Variants in MVP observed in about 807,000 individuals in gnomAD.
MVP encodes lung resistance-related protein.
A neutral mutation model predicts 83.5 loss-of-function variants in MVP; 62 were observed. That is an observed-to-expected ratio of 0.74 (90% CI 0.61 to 0.92). The LOEUF (loss-of-function observed/expected upper bound fraction) is 0.92, where lower values mean the gene tolerates loss of function less well. Among genes scored for constraint, MVP ranks in the 40% least tolerant of loss-of-function variants. The probability of loss-of-function intolerance (pLI) is 0.00; values close to 1 mark genes in which losing one functional copy is unlikely to be tolerated. For synonymous variants in MVP, 505 were observed against 504.1 expected (o/e 1.00, Z -0.02); for missense variants, 1,000 against 1,203.4 (o/e 0.83, Z 2.50).
chr16:29,820,662 G>C (rs1900353254), intron 1 of MVP, among the ~76,000 whole-genome samples, 152 bp downstream of exon 1: 1 of 152,198 alleles, frequency 6.6e-6, no homozygotes. Flanking sequence ...AGGAGGATGG[G>C]TGGTGGCTTT....
At chr16:29,823,138 T>C (rs973385710) in intron 1 of MVP, among the ~76,000 whole-genome samples, 2 of 133,868 alleles carry the variant, frequency 1.5e-5, no homozygotes, top group African/African-American at 5.9e-5. Flanking sequence ...TTTTTTTTTT[T>C]TTTTGAGATG....
At position 29,847,254 on chromosome 16, in the gene MVP, G is replaced by T. The variant is rs547354384; in HGVS notation, c.2323G>T (p.Ala775Ser). 1 of 1,613,752 alleles carries T rather than the reference G, an allele frequency of 6.2e-7. No homozygotes were observed. Among genetic ancestry groups the T allele is most frequent in the Non-Finnish European group, 8.5e-7 (1 of 1,180,006 alleles). Residue 775 changes from alanine to serine, a missense_variant, in exon 14 of 15, where the codon GCC (alanine) becomes TCC (serine). Ala to Ser is a moderately conservative substitution (Grantham distance 99). Transcript: ENST00000357402. ...VRELELVYARAQLELEVSKAQ... is the reference protein window; with the variant it reads ...VRELELVYARSQLELEVSKAQ... ...AGAGCTGGAACTGGTCTATGCCCGG[G>T]CCCAGCTGGAGCTGGAGGTGAGCAA...
intron 1 of MVP, among the ~76,000 whole-genome samples, chr16:29,828,432 TGCAATG>T (rs1290864289): frequency 6.6e-6 from 1 of 152,022 alleles, no homozygotes; most frequent in Non-Finnish European, 1.5e-5. Context: ...CAGGCTGGAG[TGCAATG>T]GCACGATCTC....
At position 29,844,779 on chromosome 16, in the gene MVP, C is replaced by T; in HGVS notation, c.1921C>T (p.Gln641Ter). ...GCTGGTGGTCAGCAGTGTGGACGTG[C>T]AGTCAGTGGAGCCTGTGGATCAGAG... ...NGLVVSSVDV[Q>*]SVEPVDQRTR... Residue 641 changes from glutamine (Q) to a stop codon, truncating the protein, a stop_gained, in exon 11 of 15, where the codon CAG (glutamine) becomes TAG (stop). Transcript: ENST00000357402. LOFTEE classifies it high-confidence loss of function. The T allele has an allele frequency of 6.2e-7, 1 of 1,610,982 alleles. No individual in the cohort carries two copies. Among genetic ancestry groups the T allele is most frequent in the Non-Finnish European group, 8.5e-7 (1 of 1,180,010 alleles).
At chr16:29,827,510 A>C (rs1264018495) in intron 1 of MVP, among the ~76,000 whole-genome samples, 1 of 152,226 alleles carries the variant, frequency 6.6e-6, no homozygotes, top group Non-Finnish European at 1.5e-5. Context: ...TAGTCCCAAC[A>C]GCACCACTAA....
intron 3 of MVP, among the ~76,000 whole-genome samples, chr16:29,832,060 A>G (rs145261937): frequency 0.016 from 2,423 of 151,366 alleles, 25 homozygotes; most frequent in Non-Finnish European, 0.026. Context: ...GATTACAGGC[A>G]TGAGCCACCG....
At chr16:29,831,982 G>A (rs1417443474) in intron 3 of MVP, among the ~76,000 whole-genome samples, 6 of 152,114 alleles carry the variant, frequency 3.9e-5, no homozygotes, top group African/African-American at 9.7e-5. Flanking sequence ...GGGTTTCACC[G>A]TGTTAGCCAG....
intron 8 of MVP, 148 bp downstream of exon 8, chr16:29,840,607 T>G: frequency 1.1e-6 from 1 of 907,640 alleles, no homozygotes; most frequent in Non-Finnish European, 1.6e-6. Context: ...GGGCACTACG[T>G]GGAGTGTTTG....
chr16:29,832,627 C>T (rs1469167576), intron 3 of MVP, among the ~76,000 whole-genome samples: 5 of 148,056 alleles, frequency 3.4e-5, no homozygotes, highest in Non-Finnish European at 7.4e-5. Context: ...TGGATCTCCC[C>T]CTGTTGCCTA....
chr16:29,827,725 G>A (rs185620737), intron 1 of MVP, among the ~76,000 whole-genome samples: 9 of 152,212 alleles, frequency 5.9e-5, no homozygotes, highest in African/African-American at 2.2e-4. Flanking sequence ...ACCAGCCTAG[G>A]CAACATAGCA....
chr16:29,823,122 C>CTTTTTTTTTTTTT (rs66512916), intron 1 of MVP, among the ~76,000 whole-genome samples: 4 of 98,484 alleles, frequency 4.1e-5, no homozygotes, highest in Non-Finnish European at 7.6e-5. Context: ...CTTTTCTTTT[C>CTTTTTTTTTTTTT]TTTTTTTTTT....
chr16:29,846,455 G>A (rs554307661), intron 13 of MVP, among the ~76,000 whole-genome samples, 171 bp downstream of exon 13: 1 of 152,366 alleles, frequency 6.6e-6, no homozygotes, highest in South Asian at 2.1e-4. Context: ...CTCCATTGCT[G>A]GAAGGTAAGG....
At chr16:29,838,694 T>C (rs952474146) in intron 7 of MVP, among the ~76,000 whole-genome samples, 1 of 151,930 alleles carries the variant, frequency 6.6e-6, no homozygotes, top group Non-Finnish European at 1.5e-5. Context: ...CCAGGCATGG[T>C]GGCACACCTG....
rs745376645 is a variant in MVP, at chr16:29,830,653, A to G, written c.104A>G (p.Tyr35Cys). 2 of 1,613,682 alleles carry G rather than the reference A, an allele frequency of 1.2e-6. No individual in the cohort carries two copies. The highest frequency in any genetic ancestry group is 1.7e-6 in the Non-Finnish European group (2 of 1,179,876). The change falls in exon 2 of 15, where the codon TAC (tyrosine) becomes TGC (cysteine). Residue 35 changes from tyrosine (Y) to cysteine (C), a missense_variant. Coordinates refer to ENST00000357402, the MANE Select transcript of MVP (RefSeq NM_005115.5). The part of the protein sequence containing the change: ...VSRVEVGPKT[Y>C]IRQDNERVLF... ...CGTGTGGAGGTCGGGCCAAAGACCT[A>G]CATCCGGCAGGACAATGAGAGGTGG...
chr16:29,830,437 A>C lies in MVP; in HGVS notation c.-35-78A>C. ...GAGGAGGTAGGGCCGTATCCCACCC[A>C]GAGTCTGTCACCAGATTCATGCCTG... On this transcript the variant is annotated intron_variant, in intron 1 of 14. Coordinates refer to ENST00000357402, the MANE Select transcript of MVP (RefSeq NM_005115.5). 4 of 1,300,160 alleles carry C rather than the reference A, an allele frequency of 3.1e-6. No homozygotes were observed. The South Asian group carries it at 5.4e-5, about 17-fold the overall frequency. 80.5% of individuals were successfully genotyped at this position (1,300,160 alleles called of 1,614,324 possible). A position where few individuals can be genotyped will look rare whatever the true frequency, so the allele number is the denominator to read the frequency against.
At chr16:29,824,237 A>AAAAC (rs2067389473) in intron 1 of MVP, among the ~76,000 whole-genome samples, 1 of 149,638 alleles carries the variant, frequency 6.7e-6, no homozygotes, top group Non-Finnish European at 1.5e-5. Flanking sequence ...AAAAAAAAAA[A>AAAAC]AAAACAGATT....
chr16:29,834,222 C>T (rs1017015248), intron 5 of MVP, 156 bp downstream of exon 5: 9 of 1,006,356 alleles, frequency 8.9e-6, no homozygotes, highest in Non-Finnish European at 1.3e-5. Flanking sequence ...GCTCTTCCTT[C>T]CCCACCCCCG....
At chr16:29,825,120 C>T (rs2067395960) in intron 1 of MVP, among the ~76,000 whole-genome samples, 1 of 152,162 alleles carries the variant, frequency 6.6e-6, no homozygotes, top group Non-Finnish European at 1.5e-5. Flanking sequence ...TATTTACCCT[C>T]ATGGTGGGAG....
At chr16:29,827,678 C>T (rs1192284785) in intron 1 of MVP, among the ~76,000 whole-genome samples, 1 of 152,158 alleles carries the variant, frequency 6.6e-6, no homozygotes, top group East Asian at 1.9e-4. Flanking sequence ...CTTTAGGAGG[C>T]TGAAGCGGGA....
Sources: gnomAD v4.1 joint callset for allele counts (sites outside exome capture counted in the v4.1 genomes callset) on GRCh38, gnomAD v4.1.1 for gene constraint, MANE v1.5 for transcripts, NCBI Gene and HGNC (gene_info 2026-07-23, HGNC 2026-07-21) for gene names.